The following MAF variants were observed in gnomAD, a reference collection of about 807,000 sequenced individuals.
MAF encodes MAF bZIP transcription factor, also known as transcription factor Maf.
In MAF, 10 loss-of-function variants were observed where a neutral mutation model predicts 22.0. The observed-to-expected ratio is 0.45, with a 90% CI of 0.28 to 0.77. The LOEUF is 0.77. MAF is among the 30% of genes least tolerant of loss of function. MAF has a pLI of 0.12. For synonymous variants in MAF, 337 were observed against 255.8 expected, an observed-to-expected ratio of 1.32 and a Z score of -3.03; for missense variants, 544 against 548.4, an observed-to-expected ratio of 0.99 and a Z score of 0.08.
chr16:79,480,804 C>T, the MAF span, among the ~76,000 whole-genome samples: 1 of 152,062 alleles, frequency 6.6e-6, no homozygotes, highest in East Asian at 1.9e-4. Flanking sequence ...TTCATCAAAC[C>T]CCATTCCCTT....
At chr16:79,545,719 G>A in the MAF span, among the ~76,000 whole-genome samples, 2 of 152,138 alleles carry the variant, frequency 1.3e-5, no homozygotes, top group African/African-American at 4.8e-5. Context: ...GAAGCAGAGA[G>A]TAGTACGGTG....
chr16:79,439,186 A>T, the MAF span, among the ~76,000 whole-genome samples: 1 of 151,650 alleles, frequency 6.6e-6, no homozygotes, highest in East Asian at 1.9e-4. Context: ...TGTATTAAGC[A>T]GTTCTTTGCA....
the MAF span, among the ~76,000 whole-genome samples, chr16:79,517,014 C>A: frequency 6.6e-6 from 1 of 152,188 alleles, no homozygotes; most frequent in Non-Finnish European, 1.5e-5. Context: ...GTGAATGGAA[C>A]CCCAAGTTTT....
the MAF span, among the ~76,000 whole-genome samples, chr16:79,348,199 C>T: frequency 6.6e-6 from 1 of 152,244 alleles, no homozygotes; most frequent in Non-Finnish European, 1.5e-5. Flanking sequence ...TCCTTTTGCA[C>T]ACACTGCAAA....
At chr16:79,248,199 G>A in the MAF span, among the ~76,000 whole-genome samples, 1 of 150,732 alleles carries the variant, frequency 6.6e-6, no homozygotes, top group African/African-American at 2.4e-5. Context: ...ACTACTCATG[G>A]TTAAGCCAAG....
chr16:79,491,927 C>A, the MAF span, among the ~76,000 whole-genome samples: 2 of 152,178 alleles, frequency 1.3e-5, no homozygotes, highest in Non-Finnish European at 2.9e-5. Flanking sequence ...CCTTCATAAA[C>A]AACAGGTCTC....
chr16:79,330,180 C>T, the MAF span, among the ~76,000 whole-genome samples: 3 of 152,158 alleles, frequency 2.0e-5, no homozygotes, highest in Non-Finnish European at 2.9e-5. Context: ...TCTACACATG[C>T]CGCCTGCAAT....
the MAF span, among the ~76,000 whole-genome samples, chr16:79,297,639 T>G: frequency 6.6e-6 from 1 of 152,210 alleles, no homozygotes; most frequent in African/African-American, 2.4e-5. Context: ...AAGTACTTAG[T>G]AGAGTGCCTG....
chr16:79,388,053 TAG>T, the MAF span, among the ~76,000 whole-genome samples: 1 of 152,362 alleles, frequency 6.6e-6, no homozygotes. Flanking sequence ...GAGTTTTCTT[TAG>T]AGTTTATTTT....
chr16:79,235,723 G>T, the MAF span, among the ~76,000 whole-genome samples: 84 of 152,074 alleles, frequency 5.5e-4, 1 homozygote, highest in African/African-American at 1.8e-3. Flanking sequence ...ATGTTGGGAG[G>T]TGGGCTAAAT....
At chr16:79,487,424 A>G in the MAF span, among the ~76,000 whole-genome samples, 4 of 152,150 alleles carry the variant, frequency 2.6e-5, no homozygotes, top group East Asian at 7.7e-4. Flanking sequence ...TCGTGGGCCT[A>G]TCATGCACTT....
the MAF span, among the ~76,000 whole-genome samples, chr16:79,472,728 A>G: frequency 6.6e-6 from 1 of 152,134 alleles, no homozygotes; most frequent in African/African-American, 2.4e-5. Flanking sequence ...ACATATACAA[A>G]AGCCCATTAA....
chr16:79,599,069 C>T lies in MAF; in HGVS notation c.834G>A (p.Leu278=). The part of the protein sequence containing the change: ...TMSVRELNRQ[L]RGVSKEEVIR... ...TCACCTCCTCCTTGCTGACCCCGCG[C>T]AGCTGCCGGTTCAGCTCGCGCACAG... is the stretch of plus-strand genomic sequence containing the variant. The change falls in exon 1 of 2, where the codon CTG becomes CTA. Residue 278 remains leucine (L), a synonymous_variant. Coordinates refer to ENST00000326043, the MANE Select transcript of MAF (RefSeq NM_005360.5). 6.2e-7 allele frequency: 1 copy of T among 1,611,418 alleles called. No homozygotes were observed. The highest frequency in any genetic ancestry group is 2.2e-5 in the East Asian group (1 of 44,782).
chr16:79,458,144 G>GTGTGTGTGTGTGTGTC, the MAF span, among the ~76,000 whole-genome samples: 1 of 150,520 alleles, frequency 6.6e-6, no homozygotes. Flanking sequence ...GTGTGTGTGT[G>GTGTGTGTGTGTGTGTC]TGTCTTTGCT....
At chr16:79,560,859 G>A in the MAF span, among the ~76,000 whole-genome samples, 33 of 152,152 alleles carry the variant, frequency 2.2e-4, no homozygotes, top group Non-Finnish European at 1.8e-4. Flanking sequence ...GAGGTGTGGC[G>A]GGAAATAGGG....
chr16:79,362,092 G>C, the MAF span, among the ~76,000 whole-genome samples: 2 of 152,182 alleles, frequency 1.3e-5, no homozygotes, highest in Non-Finnish European at 2.9e-5. Context: ...TTACCTATCT[G>C]TGATATCATG....
At chr16:79,475,294 T>C in the MAF span, among the ~76,000 whole-genome samples, 1 of 151,252 alleles carries the variant, frequency 6.6e-6, no homozygotes, top group Non-Finnish European at 1.5e-5. Flanking sequence ...TATTATTAAT[T>C]AATTCTCAGA....
At chr16:79,345,109 T>G in the MAF span, among the ~76,000 whole-genome samples, 1 of 152,200 alleles carries the variant, frequency 6.6e-6, no homozygotes. Flanking sequence ...AAGAGCTCAG[T>G]AAATGTACCC....
Position 79,599,859 on chromosome 16 carries a change from C to T in MAF, c.44G>A (p.Ser15Asn). 1 of 1,609,332 alleles carries T rather than the reference C, an allele frequency of 6.2e-7. No individual in the cohort carries two copies. Among genetic ancestry groups the T allele is most frequent in the Non-Finnish European group, 8.5e-7 (1 of 1,179,884 alleles). ...ATTAACATATTCCATGGCCAGGGGA[C>T]TGGTGGGCAGGTCGGAGTTGCTCAT... ...LAMSNSDLPT[S>N]PLAMEYVNDF... Residue 15 changes from serine to asparagine, a missense_variant, in exon 1 of 2, where the codon AGT becomes AAT. Ser to Asn is a conservative substitution (Grantham distance 46). Coordinates refer to ENST00000326043, the MANE Select transcript of MAF (RefSeq NM_005360.5).
Sources: gnomAD v4.1 joint callset for allele counts (sites outside exome capture counted in the v4.1 genomes callset) on GRCh38, gnomAD v4.1.1 for gene constraint, MANE v1.5 for transcripts, NCBI Gene and HGNC (gene_info 2026-07-23, HGNC 2026-07-21) for gene names.